ZNHIT6: variants seen among roughly 807,000 people sequenced by gnomAD.
ZNHIT6 encodes box C/D snoRNA protein 1.
A neutral mutation model predicts 57.2 loss-of-function variants in ZNHIT6; 45 were observed. The observed-to-expected ratio is 0.79, with a 90% CI of 0.62 to 1.01. The LOEUF is 1.01. ZNHIT6 is among the 50% of genes least tolerant of loss of function. ZNHIT6 has a pLI of 0.00. For missense variants in ZNHIT6, 528 were observed against 567.3 expected, an observed-to-expected ratio of 0.93 and a Z score of 0.70; for synonymous variants, 188 against 190.0, an observed-to-expected ratio of 0.99 and a Z score of 0.09.
Position 85,702,153 on chromosome 1 carries a change from T to A in ZNHIT6, c.1019+4A>T. The stretch of plus-strand genomic sequence containing the variant: ...CCTGATATACTAAAAAGTTAGAAAC[T>A]TACTTCTTATCAAAAAAGGTTGAAT... On this transcript the variant is annotated splice_donor_region_variant and intron_variant, in intron 5 of 9. Coordinates refer to ENST00000370574, the MANE Select transcript of ZNHIT6 (RefSeq NM_017953.4). 6.3e-7 allele frequency: 1 copy of A among 1,589,786 alleles called. No individual in the cohort carries two copies. The highest frequency in any genetic ancestry group is 8.6e-7 in the Non-Finnish European group (1 of 1,165,456).
intron 8 of ZNHIT6, among the ~76,000 whole-genome samples, chr1:85,667,961 A>AAAAAAAAAAAAAAAAAATATATAT: frequency 2.1e-3 from 38 of 18,176 alleles, no homozygotes; most frequent in South Asian, 2.4e-3. Flanking sequence ...AAAAAAAAAA[A>AAAAAAAAAAAAAAAAAATATATAT]ATATATATAT....
At chr1:85,690,697 G>C (rs1662190686) in intron 5 of ZNHIT6, among the ~76,000 whole-genome samples, 1 of 152,170 alleles carries the variant, frequency 6.6e-6, no homozygotes, top group African/African-American at 2.4e-5. Flanking sequence ...TCAGGTAGAG[G>C]TAAACATCAG....
At chr1:85,673,964 A>C (rs891779931) in intron 8 of ZNHIT6, among the ~76,000 whole-genome samples, 2 of 152,340 alleles carry the variant, frequency 1.3e-5, no homozygotes, top group South Asian at 4.1e-4. Context: ...AGAAATTAGC[A>C]TAACTATGCT....
At chr1:85,679,831 C>T (rs534214893) in intron 6 of ZNHIT6, among the ~76,000 whole-genome samples, 60 of 152,228 alleles carry the variant, frequency 3.9e-4, no homozygotes, top group African/African-American at 1.2e-3. Flanking sequence ...GCAATCCATC[C>T]GCCTCGACCT....
intron 5 of ZNHIT6, among the ~76,000 whole-genome samples, chr1:85,694,619 G>A (rs1185834812): frequency 5.9e-5 from 9 of 152,078 alleles, no homozygotes; most frequent in Non-Finnish European, 1.3e-4. Flanking sequence ...ACGCCTCCAC[G>A]CTCAGCTAAT....
At chr1:85,658,689 T>C (rs1039113146) in intron 8 of ZNHIT6, among the ~76,000 whole-genome samples, 3 of 151,894 alleles carry the variant, frequency 2.0e-5, no homozygotes, top group Admixed American at 1.3e-4. Flanking sequence ...GTGACCAACA[T>C]GGAGAATCCC....
intron 6 of ZNHIT6, among the ~76,000 whole-genome samples, chr1:85,680,142 C>A (rs142159956): frequency 3.9e-5 from 6 of 152,268 alleles, no homozygotes; most frequent in South Asian, 2.1e-4. Context: ...GAGGTTGAAG[C>A]TGCAGTGAGC....
chr1:85,674,443 G>C (rs1014761366), intron 8 of ZNHIT6, among the ~76,000 whole-genome samples: 2 of 152,010 alleles, frequency 1.3e-5, no homozygotes, highest in Admixed American at 6.6e-5. Context: ...GCTAGGCTCA[G>C]GTTTAGTATC....
At chr1:85,661,255 A>T (rs1200120589) in intron 8 of ZNHIT6, among the ~76,000 whole-genome samples, 1 of 152,210 alleles carries the variant, frequency 6.6e-6, no homozygotes, top group Non-Finnish European at 1.5e-5. Flanking sequence ...GCTGAGTTAA[A>T]GTTCCGGCTC....
chr1:85,689,781 A>G (rs1375996609), intron 5 of ZNHIT6, among the ~76,000 whole-genome samples: 2 of 152,140 alleles, frequency 1.3e-5, no homozygotes, highest in African/African-American at 4.8e-5. Context: ...AAGACTAGGG[A>G]GCACTTGAGG....
intron 8 of ZNHIT6, among the ~76,000 whole-genome samples, chr1:85,668,562 T>C (rs1376294686): frequency 2.0e-5 from 3 of 152,204 alleles, no homozygotes; most frequent in Non-Finnish European, 4.4e-5. Flanking sequence ...ATTTCTTCAG[T>C]GTTCTCCAGT....
intron 8 of ZNHIT6, among the ~76,000 whole-genome samples, chr1:85,673,499 C>T (rs1381337124): frequency 1.3e-5 from 2 of 152,092 alleles, no homozygotes; most frequent in Admixed American, 6.6e-5. Flanking sequence ...ATATACCTTC[C>T]AAGAATGGAA....
chr1:85,674,835 A>C (rs1661656547), intron 8 of ZNHIT6, among the ~76,000 whole-genome samples: 1 of 152,214 alleles, frequency 6.6e-6, no homozygotes, highest in Admixed American at 6.5e-5. Flanking sequence ...TAAGCCAGTC[A>C]AACTTGACTC....
intron 8 of ZNHIT6, among the ~76,000 whole-genome samples, chr1:85,673,201 T>C (rs1390688432): frequency 2.0e-5 from 3 of 152,218 alleles, no homozygotes; most frequent in Non-Finnish European, 2.9e-5. Flanking sequence ...TTTACTGCCA[T>C]AGCCTCAATG....
rs539602373 is a variant in ZNHIT6 at position 85,706,743 on chromosome 1, C to T, written c.657-236G>A. Among the ~76,000 whole-genome samples, 10 of 152,242 alleles carry T rather than the reference C, an allele frequency of 6.6e-5. No individual in the cohort carries two copies. In the South Asian group the frequency reaches 1.5e-3, roughly 22 times the overall value. On this transcript the variant is annotated intron_variant, in intron 1 of 9. Coordinates refer to ENST00000370574, the MANE Select transcript of ZNHIT6 (RefSeq NM_017953.4). Reference sequence around the variant, plus strand: ...GTATTAAAATTTTTAAAACCCATCTCGCTTTTGACTTCTTTTTCTACTATA... The same window carrying T: ...GTATTAAAATTTTTAAAACCCATCTTGCTTTTGACTTCTTTTTCTACTATA...
chr1:85,655,141 A>T (rs1661026818), intron 9 of ZNHIT6, among the ~76,000 whole-genome samples: 1 of 152,218 alleles, frequency 6.6e-6, no homozygotes, highest in African/African-American at 2.4e-5. Context: ...TATGAACTTT[A>T]GCAGTCCATC....
Position 85,650,505 on chromosome 1 carries a change from T to C in ZNHIT6, c.*3553A>G, listed in dbSNP as rs1426877252. 6.6e-6 allele frequency: 1 copy of C among 152,252 alleles called. No individual in the cohort carries two copies. Among genetic ancestry groups the C allele is most frequent in the Non-Finnish European group, 1.5e-5 (1 of 68,042 alleles). The allele number at this position is 152,252 out of a possible 1,614,324, so 9.4% of individuals were successfully genotyped here. ...ATTTTGAGTTTTTGTCACTTGCATA[T>C]AAACAACACATTTTAATGCAACAGA... On this transcript the variant is annotated 3_prime_UTR_variant, in exon 10 of 10. Transcript: ENST00000370574.
chr1:85,705,979 C>T, intron 4 of ZNHIT6, 99 bp downstream of exon 4: 2 of 976,412 alleles, frequency 2.0e-6, no homozygotes, highest in East Asian at 2.6e-5. Flanking sequence ...AGCTCTACAT[C>T]ATGGTAGCCA....
rs1288225305 is a variant in ZNHIT6 at position 85,667,962 on chromosome 1, AT to A, written c.1247+9273del. On this transcript the variant is annotated intron_variant, in intron 8 of 9. Transcript: ENST00000370574. Reference sequence around the variant, plus strand: ...CTCTCTCTTTCAAAAAAAAAAAAAAATATATATATATATATATATATATGCT... The same window carrying A: ...CTCTCTCTTTCAAAAAAAAAAAAAAAATATATATATATATATATATATGCT... Among the ~76,000 whole-genome samples the A allele has an allele frequency of 1.5e-3, 33 of 22,028 alleles. 2 individuals are homozygous for A. Among genetic ancestry groups the A allele is most frequent in the Admixed American group, 2.1e-3 (4 of 1,876 alleles). The allele number at this position is 22,028 out of a possible 152,430, so 14.5% of individuals were successfully genotyped here.
Sources: allele counts gnomAD v4.1 joint callset (sites outside exome capture counted in the v4.1 genomes callset), GRCh38; gene constraint gnomAD v4.1.1; transcripts MANE v1.5; gene names NCBI Gene and HGNC (gene_info 2026-07-23, HGNC 2026-07-21).